Variants in LRMDA observed in about 807,000 individuals in gnomAD.
LRMDA encodes leucine-rich melanocyte differentiation-associated protein.
Under a neutral mutation model 29.8 loss-of-function variants are expected in LRMDA, and 18 were observed. The ratio of observed to expected loss-of-function variants is 0.60; its 90% CI spans 0.42 to 0.90. The LOEUF (loss-of-function observed/expected upper bound fraction) is 0.90. LRMDA is among the 40% of genes least tolerant of loss of function. LRMDA has a pLI of 0.00. For synonymous variants in LRMDA, 125 were observed against 109.4 expected (o/e 1.14, Z -0.89); for missense variants, 273 against 273.9 (o/e 1.00, Z 0.02).
At chr10:76,446,030 G>A (rs144328652) in intron 6 of LRMDA, among the ~76,000 whole-genome samples, 2 of 152,292 alleles carry the variant, frequency 1.3e-5, no homozygotes, top group East Asian at 3.9e-4. Context: ...TGCATTTGGT[G>A]TGTAGCTAGT....
chr10:76,134,578 T>A (rs1355812538), intron 5 of LRMDA, among the ~76,000 whole-genome samples: 1 of 152,240 alleles, frequency 6.6e-6, no homozygotes, highest in African/African-American at 2.4e-5. Flanking sequence ...TATTATGAGC[T>A]GATCTCTATT....
At chr10:76,479,226 C>T (rs1842711827) in intron 6 of LRMDA, among the ~76,000 whole-genome samples, 2 of 151,644 alleles carry the variant, frequency 1.3e-5, no homozygotes, top group African/African-American at 2.4e-5. Context: ...ATTTGTGGAC[C>T]TTAGCTTTCT....
At chr10:75,449,739 G>T (rs947696375) in intron 2 of LRMDA, among the ~76,000 whole-genome samples, 6 of 152,162 alleles carry the variant, frequency 3.9e-5, no homozygotes, top group Non-Finnish European at 5.9e-5. Flanking sequence ...GTTTCCCAGA[G>T]AACTTATCTT....
At chr10:76,301,750 T>G (rs955104174) in intron 5 of LRMDA, among the ~76,000 whole-genome samples, 5 of 152,220 alleles carry the variant, frequency 3.3e-5, no homozygotes, top group Non-Finnish European at 7.3e-5. Context: ...ACCTTTTGTT[T>G]AATTAGAAAA....
At chr10:75,468,805 C>T (rs1415239859) in intron 2 of LRMDA, among the ~76,000 whole-genome samples, 1 of 152,036 alleles carries the variant, frequency 6.6e-6, no homozygotes, top group African/African-American at 2.4e-5. Context: ...GCCGTCCAGC[C>T]TGTGGCCTCT....
intron 2 of LRMDA, among the ~76,000 whole-genome samples, chr10:75,850,340 CTTTTA>C (rs2132310092): frequency 6.6e-6 from 1 of 152,284 alleles, no homozygotes; most frequent in South Asian, 2.1e-4. Flanking sequence ...ATGATGGAGT[CTTTTA>C]TTTTAGGAGT....
intron 6 of LRMDA, among the ~76,000 whole-genome samples, chr10:76,455,432 C>T (rs1392014024): frequency 6.6e-6 from 1 of 152,134 alleles, no homozygotes; most frequent in Non-Finnish European, 1.5e-5. Flanking sequence ...TGCATCGATG[C>T]TAATCCCTGA....
At chr10:75,564,940 G>A (rs3012059) in intron 2 of LRMDA, among the ~76,000 whole-genome samples, 18 of 152,094 alleles carry the variant, frequency 1.2e-4, no homozygotes, top group South Asian at 4.1e-4. Flanking sequence ...TTATTTTTGC[G>A]TATAAAATTT....
intron 2 of LRMDA, among the ~76,000 whole-genome samples, chr10:75,479,529 C>G (rs369169103): frequency 1.3e-5 from 2 of 150,722 alleles, no homozygotes; most frequent in Non-Finnish European, 3.0e-5. Context: ...AAAAAGTACA[C>G]GCAACCTTGG....
intron 2 of LRMDA, among the ~76,000 whole-genome samples, chr10:75,742,288 A>G (rs1282323696): frequency 6.6e-6 from 1 of 152,228 alleles, no homozygotes; most frequent in Non-Finnish European, 1.5e-5. Flanking sequence ...GTGGGAAAGT[A>G]AATCCTTGGG....
At chr10:75,753,086 T>C (rs544260908) in intron 2 of LRMDA, among the ~76,000 whole-genome samples, 3 of 152,320 alleles carry the variant, frequency 2.0e-5, no homozygotes, top group Admixed American at 2.0e-4. Context: ...GACTTTTTTT[T>C]CCTTTTCCTC....
At chr10:76,292,705 G>A (rs78170462) in intron 5 of LRMDA, among the ~76,000 whole-genome samples, 4,468 of 151,632 alleles carry the variant, frequency 0.029, 223 homozygotes, top group African/African-American at 0.1. Flanking sequence ...CGCTTGTGTC[G>A]CTCCTGCATT....
chr10:76,305,265 C>G (rs1426004703), intron 5 of LRMDA, among the ~76,000 whole-genome samples: 2 of 33,288 alleles, frequency 6.0e-5, no homozygotes, highest in Admixed American at 4.2e-4. Context: ...TGTGTGGGCC[C>G]TTTCTTGGGC....
intron 2 of LRMDA, among the ~76,000 whole-genome samples, chr10:75,688,405 AT>A (rs1247241229): frequency 2.0e-5 from 3 of 152,224 alleles, no homozygotes; most frequent in Non-Finnish European, 4.4e-5. Flanking sequence ...GTAATTGCAG[AT>A]GTGGCAGAAA....
At chr10:76,057,259 T>G (rs1270670318) in intron 4 of LRMDA, among the ~76,000 whole-genome samples, 1 of 152,216 alleles carries the variant, frequency 6.6e-6, no homozygotes, top group African/African-American at 2.4e-5. Context: ...TATTCCTAAT[T>G]TCTCCATGTG....
At chr10:75,783,379 G>A (rs956074351) in intron 2 of LRMDA, among the ~76,000 whole-genome samples, 3 of 151,134 alleles carry the variant, frequency 2.0e-5, no homozygotes, top group Non-Finnish European at 4.4e-5. Context: ...AGTTGAGTGT[G>A]TAGCACATTT....
chr10:75,589,413 C>T (rs1354315424), intron 2 of LRMDA, among the ~76,000 whole-genome samples: 1 of 152,136 alleles, frequency 6.6e-6, no homozygotes, highest in Non-Finnish European at 1.5e-5. Flanking sequence ...CTGTGAACTA[C>T]ATGATCATAT....
At chr10:75,951,442 G>A (rs1846572465) in intron 2 of LRMDA, among the ~76,000 whole-genome samples, 1 of 152,156 alleles carries the variant, frequency 6.6e-6, no homozygotes, top group Non-Finnish European at 1.5e-5. Flanking sequence ...AGCCCAAGCA[G>A]CTCCTCAGAG....
intron 2 of LRMDA, among the ~76,000 whole-genome samples, chr10:75,496,544 A>G (rs1158647633): frequency 6.6e-6 from 1 of 152,232 alleles, no homozygotes; most frequent in African/African-American, 2.4e-5. Flanking sequence ...TACATTTAAT[A>G]ACCCTCATCT....
Sources: gnomAD v4.1 joint callset for allele counts (sites outside exome capture counted in the v4.1 genomes callset) on GRCh38, gnomAD v4.1.1 for gene constraint, MANE v1.5 for transcripts, NCBI Gene and HGNC (gene_info 2026-07-23, HGNC 2026-07-21) for gene names.